Variants in PAQR7 observed in about 807,000 individuals in gnomAD.
PAQR7 encodes the protein progestin and adipoQ receptor family member 7, also known as membrane progestin receptor alpha.
In PAQR7, 14 loss-of-function variants were observed where a neutral mutation model predicts 24.6. The observed-to-expected ratio is 0.57, with a 90% CI of 0.38 to 0.89. PAQR7 has a LOEUF of 0.89. Among genes scored for constraint, PAQR7 ranks in the 40% least tolerant of loss-of-function variants. The pLI, the probability that PAQR7 is intolerant of heterozygous loss-of-function variation, is 0.00. For missense variants in PAQR7, 351 were observed against 444.0 expected, an observed-to-expected ratio of 0.79 and a Z score of 1.88; for synonymous variants, 189 against 198.8, an observed-to-expected ratio of 0.95 and a Z score of 0.42.
chr1:25,868,665 G>A (rs1046846491), intron 2 of PAQR7, among the ~76,000 whole-genome samples: 1 of 144,170 alleles, frequency 6.9e-6, no homozygotes, highest in South Asian at 2.3e-4. Flanking sequence ...AGCCAAGATT[G>A]TGCCACTGCA....
intron 2 of PAQR7, among the ~76,000 whole-genome samples, chr1:25,866,475 G>A (rs1327828428): frequency 1.3e-5 from 2 of 152,172 alleles, no homozygotes; most frequent in South Asian, 2.1e-4. Context: ...AGAACAGAGT[G>A]AAAGATTTGA....
chr1:25,864,372 C>T (rs1196202781), intron 2 of PAQR7, among the ~76,000 whole-genome samples: 1 of 152,098 alleles, frequency 6.6e-6, no homozygotes, highest in Non-Finnish European at 1.5e-5. Flanking sequence ...CCCTCCATTA[C>T]CCTGCATGAC....
chr1:25,867,941 T>G (rs536093387), intron 2 of PAQR7, among the ~76,000 whole-genome samples: 12 of 152,340 alleles, frequency 7.9e-5, no homozygotes, highest in Admixed American at 7.2e-4. Flanking sequence ...CCAGCGAGCC[T>G]GGCACAGGGC....
At chr1:25,864,966 C>T (rs2048544547) in intron 2 of PAQR7, among the ~76,000 whole-genome samples, 1 of 151,708 alleles carries the variant, frequency 6.6e-6, no homozygotes. Context: ...ACCATCCTGG[C>T]TAACACGGTG....
Position 25,872,231 on chromosome 1 carries a change from G to A in PAQR7, c.-108-1537C>T, listed in dbSNP as rs71638398. Reference sequence around the variant, plus strand: ...GCTCTGGCACAGTGCTGGCTCTGCCGTTTCTGTGGGATTCTCGTCCTGACT... The same window carrying A: ...GCTCTGGCACAGTGCTGGCTCTGCCATTTCTGTGGGATTCTCGTCCTGACT... On this transcript the variant is annotated intron_variant, in intron 1 of 2. Transcript: ENST00000675840. Among the ~76,000 whole-genome samples the A allele has an allele frequency of 5.9e-3, 901 of 152,264 alleles. 3 individuals carry two copies. The highest frequency in any genetic ancestry group is 9.9e-3 in the Non-Finnish European group (676 of 68,016).
At chr1:25,864,016 C>G (rs1032214037) in intron 2 of PAQR7, among the ~76,000 whole-genome samples, 155 bp from the exon 3 acceptor site, 17 of 152,182 alleles carry the variant, frequency 1.1e-4, no homozygotes, top group Admixed American at 3.9e-4. Context: ...TATGGAATTC[C>G]TCATCTCTGA....
chr1:25,862,747 C>T lies in PAQR7; in HGVS notation c.*52G>A. 1 of 1,548,400 alleles carries T rather than the reference C, an allele frequency of 6.5e-7. No homozygotes were observed. The highest frequency in any genetic ancestry group is 1.2e-5 in the South Asian group (1 of 82,728). On this transcript the variant is annotated 3_prime_UTR_variant, in exon 3 of 3. Transcript: ENST00000675840. The stretch of plus-strand genomic sequence containing the variant: ...CCTTGTTCCCACCTGGAGCCAAACC[C>T]AGACCCCTGTCCCCCAACTATACCT...
Sources: allele counts gnomAD v4.1 joint callset (sites outside exome capture counted in the v4.1 genomes callset), GRCh38; gene constraint gnomAD v4.1.1; transcripts MANE v1.5; gene names NCBI Gene and HGNC (gene_info 2026-07-23, HGNC 2026-07-21).